Variants in SLC39A11 observed in about 807,000 individuals in gnomAD.
SLC39A11 encodes zinc transporter ZIP11.
Under a neutral mutation model 36.1 loss-of-function variants are expected in SLC39A11, and 33 were observed. That is an observed-to-expected ratio of 0.91 (90% CI 0.69 to 1.22). The LOEUF is 1.22. SLC39A11 is among the 50% of genes most tolerant of loss of function. The probability of loss-of-function intolerance (pLI) is 0.00; values close to 1 mark genes in which losing one functional copy is unlikely to be tolerated. For synonymous variants in SLC39A11, 166 were observed against 170.3 expected (o/e 0.97, Z 0.20); for missense variants, 432 against 430.3 (o/e 1.00, Z -0.03).
At chr17:72,971,490 C>T (rs1404786592) in intron 4 of SLC39A11, among the ~76,000 whole-genome samples, 2 of 152,194 alleles carry the variant, frequency 1.3e-5, no homozygotes, top group African/African-American at 4.8e-5. Context: ...CCAAAACCCT[C>T]TGGACTGGGA....
intron 4 of SLC39A11, among the ~76,000 whole-genome samples, chr17:73,001,173 C>T (rs919674291): frequency 2.0e-5 from 3 of 151,910 alleles, no homozygotes; most frequent in Non-Finnish European, 2.9e-5. Flanking sequence ...TTCCTCATCC[C>T]GAGCAGTGGT....
chr17:72,845,365 C>T (rs2145923832), intron 6 of SLC39A11, among the ~76,000 whole-genome samples: 1 of 152,332 alleles, frequency 6.6e-6, no homozygotes, highest in East Asian at 1.9e-4. Context: ...CTCTTGGCTA[C>T]TCCTTGTGGG....
intron 3 of SLC39A11, among the ~76,000 whole-genome samples, chr17:73,078,949 A>ACC (rs1207720036): frequency 1.3e-5 from 2 of 152,004 alleles, no homozygotes; most frequent in African/African-American, 4.8e-5. Flanking sequence ...TTACACACAC[A>ACC]CACACACAAA....
chr17:72,650,918 C>T (rs1598217491), intron 7 of SLC39A11, among the ~76,000 whole-genome samples: 1 of 152,282 alleles, frequency 6.6e-6, no homozygotes, highest in East Asian at 1.9e-4. Context: ...CAAGTTCCAG[C>T]CTCTAACAAA....
At chr17:72,807,498 T>C (rs2077297471) in intron 6 of SLC39A11, among the ~76,000 whole-genome samples, 2 of 152,128 alleles carry the variant, frequency 1.3e-5, no homozygotes, top group Non-Finnish European at 2.9e-5. Context: ...GGTGGGCTGG[T>C]CACGGTCACC....
rs151142811 is a variant in SLC39A11, at chr17:73,047,990, AATAT to A, written c.148-16280_148-16277del. The stretch of plus-strand genomic sequence containing the variant: ...TCAAAAAAAAAAAAAAAAAAAAAAA[AATAT>A]ATATATATATATATATATATATATA... On this transcript the variant is annotated intron_variant, in intron 3 of 9. Coordinates refer to ENST00000255559, the MANE Select transcript of SLC39A11 (RefSeq NM_139177.4). 2.7e-3 allele frequency among the ~76,000 whole-genome samples: 159 copies of A among 58,586 alleles called. 1 individual carries two copies. The highest frequency in any genetic ancestry group is 5.9e-3 in the East Asian group (11 of 1,880). 38.4% of individuals were successfully genotyped at this position (58,586 alleles called of 152,430 possible). A position where few individuals can be genotyped will look rare whatever the true frequency, so the allele number is the denominator to read the frequency against.
chr17:72,883,747 C>T (rs2081321341), intron 5 of SLC39A11, among the ~76,000 whole-genome samples: 2 of 152,216 alleles, frequency 1.3e-5, no homozygotes, highest in African/African-American at 2.4e-5. Flanking sequence ...TTATACACAC[C>T]TCCATCCCTC....
chr17:72,970,872 A>G (rs1318975385), intron 4 of SLC39A11, among the ~76,000 whole-genome samples: 1 of 152,204 alleles, frequency 6.6e-6, no homozygotes, highest in African/African-American at 2.4e-5. Context: ...AGCTGGCCGC[A>G]TGGGCACTGT....
At chr17:72,651,851 C>T (rs1281095224) in intron 7 of SLC39A11, among the ~76,000 whole-genome samples, 1 of 152,178 alleles carries the variant, frequency 6.6e-6, no homozygotes, top group Non-Finnish European at 1.5e-5. Context: ...CACCCCACCA[C>T]ACCAGCCCAG....
intron 6 of SLC39A11, among the ~76,000 whole-genome samples, chr17:72,794,504 C>T (rs2076825260): frequency 6.6e-6 from 1 of 152,052 alleles, no homozygotes; most frequent in Admixed American, 6.6e-5. Flanking sequence ...AAGTGCTTAT[C>T]ATGGTCCCCA....
In SLC39A11 at chr17:72,670,446, T is replaced by C. The variant is rs559220548; in HGVS notation, c.672-21178A>G. 3.9e-5 allele frequency among the ~76,000 whole-genome samples: 6 copies of C among 152,336 alleles called. No individual in the cohort carries two copies. The East Asian group carries it at 1.2e-3, about 29-fold the overall frequency. On this transcript the variant is annotated intron_variant, in intron 7 of 9. Transcript: ENST00000255559. ...TAATCTTAGTTCTCATTGGTGGATC[T>C]TGCCTACAGCAATTATTACTGTGGT...
chr17:72,935,168 G>C (rs1043783674), intron 5 of SLC39A11, among the ~76,000 whole-genome samples: 2 of 152,220 alleles, frequency 1.3e-5, no homozygotes, highest in Non-Finnish European at 2.9e-5. Context: ...CCACACGATG[G>C]AATGCTACTC....
intron 5 of SLC39A11, among the ~76,000 whole-genome samples, chr17:72,923,295 T>C (rs1055250874): frequency 1.3e-5 from 2 of 152,112 alleles, no homozygotes; most frequent in African/African-American, 4.8e-5. Context: ...TGAAGCTCAC[T>C]ACATCCAAGC....
rs557896787 is a variant in SLC39A11 at position 72,855,482 on chromosome 17, A to C, written c.431-5678T>G. 2.2e-4 allele frequency among the ~76,000 whole-genome samples: 33 copies of C among 152,358 alleles called. 1 individual carries two copies. Among genetic ancestry groups the C allele is most frequent in the African/African-American group, 7.5e-4 (31 of 41,588 alleles). On this transcript the variant is annotated intron_variant, in intron 5 of 9. Transcript: ENST00000255559. ...CAAATCGTCATCTGTTAAGTGCAGA[A>C]AGCATCAAATCCCTGGAAAAACTCT...
intron 6 of SLC39A11, among the ~76,000 whole-genome samples, chr17:72,813,902 T>G (rs1486287674): frequency 6.6e-6 from 1 of 152,130 alleles, no homozygotes; most frequent in African/African-American, 2.4e-5. Context: ...GAAGCAACAT[T>G]TAAAACGTGA....
intron 7 of SLC39A11, among the ~76,000 whole-genome samples, chr17:72,688,671 C>G (rs2071868822): frequency 6.6e-6 from 1 of 152,174 alleles, no homozygotes; most frequent in Admixed American, 6.5e-5. Context: ...AATTACTTCA[C>G]ATAGGGTAAG....
intron 7 of SLC39A11, among the ~76,000 whole-genome samples, chr17:72,689,584 G>T (rs2071923082): frequency 6.6e-6 from 1 of 152,232 alleles, no homozygotes; most frequent in Non-Finnish European, 1.5e-5. Context: ...AACGTGGTGG[G>T]CATGTAGGAG....
intron 5 of SLC39A11, among the ~76,000 whole-genome samples, chr17:72,863,483 C>A (rs2080144734): frequency 6.6e-6 from 1 of 152,186 alleles, no homozygotes; most frequent in African/African-American, 2.4e-5. Flanking sequence ...ACTCATAAGG[C>A]TCCCAAATCC....
chr17:73,022,091 G>C (rs189564156), intron 4 of SLC39A11, among the ~76,000 whole-genome samples: 1 of 152,256 alleles, frequency 6.6e-6, no homozygotes, highest in African/African-American at 2.4e-5. Context: ...CAAAGCCACA[G>C]ATATTTTTCC....
Sources: gnomAD v4.1 joint callset for allele counts (sites outside exome capture counted in the v4.1 genomes callset) on GRCh38, gnomAD v4.1.1 for gene constraint, MANE v1.5 for transcripts, NCBI Gene and HGNC (gene_info 2026-07-23, HGNC 2026-07-21) for gene names.